ANKS1B: variants seen among roughly 807,000 people sequenced by gnomAD.
The protein encoded by ANKS1B is ankyrin repeat and sterile alpha motif domain containing 1B.
In ANKS1B, 36 loss-of-function variants were observed where a neutral mutation model predicts 148.3. The ratio of observed to expected loss-of-function variants is 0.24; its 90% CI spans 0.19 to 0.32. The LOEUF is 0.32. Among genes scored for constraint, ANKS1B ranks in the 10% least tolerant of loss-of-function variants. The pLI is 1.00. For synonymous variants in ANKS1B, 542 were observed against 560.8 expected, an observed-to-expected ratio of 0.97 and a Z score of 0.47; for missense variants, 1,157 against 1,542.6, an observed-to-expected ratio of 0.75 and a Z score of 4.19.
At chr12:98,939,906 C>T (rs748540281) in intron 17 of ANKS1B, among the ~76,000 whole-genome samples, 4 of 152,196 alleles carry the variant, frequency 2.6e-5, no homozygotes, top group Non-Finnish European at 5.9e-5. Context: ...TCACATGGCA[C>T]ACTGATGCCC....
chr12:99,600,686 AG>A (rs1171091430), intron 9 of ANKS1B, among the ~76,000 whole-genome samples: 3 of 152,166 alleles, frequency 2.0e-5, no homozygotes, highest in Admixed American at 1.3e-4. Flanking sequence ...CAGTTAGCTC[AG>A]GAGGGATTTC....
At chr12:99,710,259 A>G (rs2056443623) in intron 8 of ANKS1B, among the ~76,000 whole-genome samples, 1 of 152,220 alleles carries the variant, frequency 6.6e-6, no homozygotes, top group Non-Finnish European at 1.5e-5. Context: ...ATCTTTGTCA[A>G]TAATGGGATA....
chr12:99,397,556 A>G (rs1469793569), intron 12 of ANKS1B, among the ~76,000 whole-genome samples: 3 of 152,158 alleles, frequency 2.0e-5, no homozygotes, highest in Non-Finnish European at 4.4e-5. Context: ...AGAGTGATAT[A>G]GAAAAATGGT....
intron 1 of ANKS1B, among the ~76,000 whole-genome samples, chr12:99,858,093 G>A (rs1414635293): frequency 1.3e-5 from 2 of 152,058 alleles, no homozygotes; most frequent in East Asian, 1.9e-4. Flanking sequence ...TCAGAGAAAA[G>A]TGACAACCCA....
chr12:99,454,482 G>A (rs142598160), intron 10 of ANKS1B, among the ~76,000 whole-genome samples: 5 of 152,280 alleles, frequency 3.3e-5, no homozygotes, highest in African/African-American at 9.6e-5. Flanking sequence ...TCAAAAACTC[G>A]AAGAGTTAGA....
chr12:99,436,179 C>T (rs1295299778), intron 11 of ANKS1B, among the ~76,000 whole-genome samples: 1 of 151,950 alleles, frequency 6.6e-6, no homozygotes, highest in South Asian at 2.1e-4. Context: ...CTATTATTCT[C>T]TCCTGAAGCT....
intron 6 of ANKS1B, 107 bp from the exon 7 acceptor site, chr12:99,775,768 T>A: frequency 3.4e-6 from 2 of 581,186 alleles, no homozygotes; most frequent in South Asian, 7.7e-5. Flanking sequence ...TTTTTTCATA[T>A]CCTAAATATA....
At chr12:99,984,045 T>C in intron 1 of ANKS1B, 59 bp downstream of exon 1, 1 of 1,428,706 alleles carries the variant, frequency 7.0e-7, no homozygotes, top group Non-Finnish European at 9.6e-7. Flanking sequence ...GAGGAGGACG[T>C]ATATCCATCA....
intron 10 of ANKS1B, among the ~76,000 whole-genome samples, chr12:99,504,107 T>C (rs771567472): frequency 1.3e-5 from 2 of 152,150 alleles, no homozygotes; most frequent in Non-Finnish European, 2.9e-5. Context: ...TAAGTAAGAT[T>C]TGATAACTTG....
intron 9 of ANKS1B, among the ~76,000 whole-genome samples, chr12:99,521,238 A>C (rs1396498385): frequency 6.6e-6 from 1 of 152,122 alleles, no homozygotes; most frequent in African/African-American, 2.4e-5. Flanking sequence ...ATTCTTTTTA[A>C]TTATTTCATT....
chr12:99,220,227 T>C (rs938156904), intron 14 of ANKS1B, among the ~76,000 whole-genome samples: 1 of 152,120 alleles, frequency 6.6e-6, no homozygotes, highest in Non-Finnish European at 1.5e-5. Flanking sequence ...CTTGAACTCC[T>C]GACCTCATAA....
intron 17 of ANKS1B, among the ~76,000 whole-genome samples, chr12:98,922,567 C>T (rs1395515242): frequency 6.6e-6 from 1 of 152,206 alleles, no homozygotes; most frequent in African/African-American, 2.4e-5. Flanking sequence ...GGCACAATCT[C>T]GGCTCACTGC....
chr12:99,486,667 G>C (rs1430737063), intron 10 of ANKS1B, among the ~76,000 whole-genome samples: 1 of 152,062 alleles, frequency 6.6e-6, no homozygotes, highest in Non-Finnish European at 1.5e-5. Flanking sequence ...ACAGTGATTT[G>C]CACTAAGGTC....
intron 15 of ANKS1B, among the ~76,000 whole-genome samples, chr12:99,142,535 GAGA>G (rs764748323): frequency 8.5e-5 from 13 of 152,218 alleles, no homozygotes; most frequent in Middle Eastern, 3.4e-3. Flanking sequence ...AGAGAGGGTA[GAGA>G]AGAAGGCTTC....
At chr12:99,057,243 G>A in intron 16 of ANKS1B, among the ~76,000 whole-genome samples, 1 of 152,148 alleles carries the variant, frequency 6.6e-6, no homozygotes, top group East Asian at 1.9e-4. Flanking sequence ...CCTATTCCAA[G>A]TGTTGTTGTA....
At chr12:99,192,360 A>G (rs1228821853) in intron 14 of ANKS1B, among the ~76,000 whole-genome samples, 2 of 152,144 alleles carry the variant, frequency 1.3e-5, no homozygotes, top group Non-Finnish European at 2.9e-5. Context: ...AATGAGACAT[A>G]TGGATTATCT....
intron 17 of ANKS1B, among the ~76,000 whole-genome samples, chr12:99,031,021 A>C (rs936909463): frequency 2.0e-5 from 3 of 152,228 alleles, no homozygotes; most frequent in African/African-American, 7.2e-5. Context: ...ATTGGTCACA[A>C]CTTGAACTAT....
intron 16 of ANKS1B, among the ~76,000 whole-genome samples, chr12:99,056,408 T>A (rs751142116): frequency 6.6e-6 from 1 of 152,240 alleles, no homozygotes; most frequent in Non-Finnish European, 1.5e-5. Context: ...TTTCTGTCCC[T>A]ACTGCCATTA....
At chr12:99,577,094 AG>A (rs2097526610) in intron 9 of ANKS1B, among the ~76,000 whole-genome samples, 1 of 151,976 alleles carries the variant, frequency 6.6e-6, no homozygotes, top group South Asian at 2.1e-4. Context: ...AGTTTAAAAA[AG>A]CAGCAGAAAA....
Sources: gnomAD v4.1 joint callset for allele counts (sites outside exome capture counted in the v4.1 genomes callset) on GRCh38, gnomAD v4.1.1 for gene constraint, MANE v1.5 for transcripts, NCBI Gene and HGNC (gene_info 2026-07-23, HGNC 2026-07-21) for gene names.